The following BLOC1S2 variants were observed in gnomAD, a reference collection of about 807,000 sequenced individuals.
BLOC1S2 encodes biogenesis of lysosome-related organelles complex 1 subunit 2.
A neutral mutation model predicts 19.6 loss-of-function variants in BLOC1S2; 12 were observed. The ratio of observed to expected loss-of-function variants is 0.61; its 90% confidence interval spans 0.39 to 0.99. The LOEUF is 0.99. Among genes scored for constraint, BLOC1S2 ranks in the 50% least tolerant of loss-of-function variants. BLOC1S2 has a pLI of 0.00. For missense variants in BLOC1S2, 142 were observed against 171.0 expected (o/e 0.83, Z 0.95); for synonymous variants, 66 against 64.1 (o/e 1.03, Z -0.14).
chr10:100,276,826 T>G (rs1474932797), intron 4 of BLOC1S2, among the ~76,000 whole-genome samples: 3 of 151,772 alleles, frequency 2.0e-5, no homozygotes, highest in Non-Finnish European at 4.4e-5. Flanking sequence ...CAGGCTGGAG[T>G]GCAGTGGCGT....
chr10:100,285,829 G>C (rs1038773491), intron 2 of BLOC1S2, among the ~76,000 whole-genome samples: 2 of 152,096 alleles, frequency 1.3e-5, no homozygotes, highest in African/African-American at 4.8e-5. Flanking sequence ...TCACAACCCT[G>C]CTCAAAATAC....
Position 100,275,384 on chromosome 10 carries a change from T to A in BLOC1S2, c.*78A>T. 7.0e-7 allele frequency: 1 copy of A among 1,419,708 alleles called. No individual in the cohort carries two copies. The highest frequency in any genetic ancestry group is 1.3e-5 in the South Asian group (1 of 77,470). 87.9% of individuals were successfully genotyped at this position (1,419,708 alleles called of 1,614,324 possible). On this transcript the variant is annotated 3_prime_UTR_variant, in exon 5 of 5. Transcript: ENST00000370372. Reference sequence around the variant, plus strand: ...CCTTTTGAGGAATTTTCACAATTCATCAGCCTCAGGATTCAGGTTTTATAA... The same window carrying A: ...CCTTTTGAGGAATTTTCACAATTCAACAGCCTCAGGATTCAGGTTTTATAA...
rs1564875582 is a variant in BLOC1S2, at chr10:100,286,607, C to T, written c.53G>A (p.Arg18Gln). 1.2e-6 allele frequency: 2 copies of T among 1,612,842 alleles called. No individual in the cohort carries two copies. Among genetic ancestry groups the T allele is most frequent in the South Asian group, 1.1e-5 (1 of 90,998 alleles). ...VLATRSDEPARDDAAVETAEE... is the reference protein window; with the variant it reads ...VLATRSDEPAQDDAAVETAEE... ...TCCTCCCCATCCATTCCGGGTACCT[C>T]GGGCGGGCTCATCACTCCGGGTCGC... The change falls in exon 1 of 5, where the codon CGA (arginine) becomes CAA (glutamine). Residue 18 changes from arginine (R) to glutamine (Q), a missense_variant and splice_region_variant. Around this residue, in one of 2 missense-constraint regions of BLOC1S2, gnomAD observed 48 missense variants for 29.7 expected, o/e 1.61. Transcript: ENST00000370372.
Position 100,279,836 on chromosome 10 carries a change from G to C in BLOC1S2, c.397+288C>G, listed in dbSNP as rs569150365. Among the ~76,000 whole-genome samples the C allele has an allele frequency of 2.0e-5, 3 of 152,158 alleles. No homozygotes were observed. In the South Asian group the frequency reaches 6.2e-4, roughly 32 times the overall value. On this transcript the variant is annotated intron_variant, in intron 4 of 4. Coordinates refer to ENST00000370372, the MANE Select transcript of BLOC1S2 (RefSeq NM_173809.5). ...GCGGAGGTTGCGGTGAGCCGAGATC[G>C]CACCATTGCACTCCAGCTTGGGCAA...
chr10:100,286,602 T>A lies in BLOC1S2; in HGVS notation c.55+3A>T. 1 of 1,612,552 alleles carries A rather than the reference T, an allele frequency of 6.2e-7. No homozygotes were observed. The highest frequency in any genetic ancestry group is 8.5e-7 in the Non-Finnish European group (1 of 1,179,218). ...ACGCTTCCTCCCCATCCATTCCGGG[T>A]ACCTCGGGCGGGCTCATCACTCCGG... On this transcript the variant is annotated splice_donor_region_variant and intron_variant, in intron 1 of 4. Coordinates refer to ENST00000370372, the MANE Select transcript of BLOC1S2 (RefSeq NM_173809.5).
At chr10:100,279,346 T>G (rs554345051) in intron 4 of BLOC1S2, among the ~76,000 whole-genome samples, 8 of 152,324 alleles carry the variant, frequency 5.3e-5, no homozygotes, top group African/African-American at 1.7e-4. Flanking sequence ...CAGACCTGCT[T>G]AGAAATATGG....
rs1163661902 is a variant in BLOC1S2 at position 100,273,514 on chromosome 10, G to A, written c.*1948C>T. On this transcript the variant is annotated 3_prime_UTR_variant, in exon 5 of 5. Transcript: ENST00000370372. ...GTGGCTGAAGATAGCTGAACACAGT[G>A]TAACAGGAAATAAAAACTTTTTAAA... 1.3e-5 allele frequency: 2 copies of A among 152,146 alleles called. No individual in the cohort carries two copies. The highest frequency in any genetic ancestry group is 2.9e-5 in the Non-Finnish European group (2 of 68,026). 9.4% of individuals were successfully genotyped at this position (152,146 alleles called of 1,614,324 possible).
chr10:100,277,112 G>C, intron 4 of BLOC1S2, among the ~76,000 whole-genome samples: 1 of 149,242 alleles, frequency 6.7e-6, no homozygotes, highest in Admixed American at 6.8e-5. Context: ...GTCTCTGCCC[G>C]GCAGCCCACC....
intron 2 of BLOC1S2, among the ~76,000 whole-genome samples, chr10:100,283,601 C>T (rs554321932): frequency 1.3e-4 from 20 of 151,984 alleles, no homozygotes; most frequent in African/African-American, 3.6e-4. Flanking sequence ...CTAGGCATTG[C>T]GCCTCATGCC....
rs1044100080 is a variant in BLOC1S2 at position 100,274,809 on chromosome 10, C to T, written c.*653G>A. 2 of 396,290 alleles carry T rather than the reference C, an allele frequency of 5.0e-6. No individual in the cohort carries two copies. Among genetic ancestry groups the T allele is most frequent in the African/African-American group, 4.1e-5 (2 of 48,684 alleles). The allele number at this position is 396,290 out of a possible 1,614,324, so 24.5% of individuals were successfully genotyped here. A position where few individuals can be genotyped will look rare whatever the true frequency, so the allele number is the denominator to read the frequency against. Reference sequence around the variant, plus strand: ...TTTTCATCACATTTCCCAAACTGATCGCATGTCAATGTGACTCACATAGAA... The same window carrying T: ...TTTTCATCACATTTCCCAAACTGATTGCATGTCAATGTGACTCACATAGAA... On this transcript the variant is annotated 3_prime_UTR_variant, in exon 5 of 5. Transcript: ENST00000370372.
chr10:100,275,466 C>T lies in BLOC1S2; in HGVS notation c.425G>A (p.Arg142Gln), dbSNP rs763047929. ...LEAKYKKLEK[R>Q] ...TGTCCCATAGAAATAAGTTTCTCAT[C>T]GCTTCTCCAGCTTCTTGTACTTGGC... Residue 142 changes from arginine (R) to glutamine (Q), a missense_variant, in exon 5 of 5, where the codon CGA becomes CAA. Coordinates refer to ENST00000370372, the MANE Select transcript of BLOC1S2 (RefSeq NM_173809.5). The T allele has an allele frequency of 5.6e-6, 9 of 1,603,324 alleles. No homozygotes were observed. The highest frequency in any genetic ancestry group is 2.2e-5 in the South Asian group (2 of 89,058).
Position 100,274,237 on chromosome 10 carries a change from G to C in BLOC1S2, c.*1225C>G, listed in dbSNP as rs959927634. 5 of 152,230 alleles carry C rather than the reference G, an allele frequency of 3.3e-5. No homozygotes were observed. The highest frequency in any genetic ancestry group is 5.9e-5 in the Non-Finnish European group (4 of 68,072). 9.4% of individuals were successfully genotyped at this position (152,230 alleles called of 1,614,324 possible). A position where few individuals can be genotyped will look rare whatever the true frequency, so the allele number is the denominator to read the frequency against. On this transcript the variant is annotated 3_prime_UTR_variant, in exon 5 of 5. Transcript: ENST00000370372. ...CCACACTCCAGCCTGGGTGACAATA[G>C]AGACCCTGTCTATAAACAAACAAAA...
chr10:100,281,136 T>A, intron 2 of BLOC1S2, 83 bp from the exon 3 acceptor site: 1 of 1,531,918 alleles, frequency 6.5e-7, no homozygotes. Flanking sequence ...AAGTGGTAGT[T>A]CAAGGCAGGA....
At chr10:100,279,211 CAAAGGA>C (rs1301129340) in intron 4 of BLOC1S2, among the ~76,000 whole-genome samples, 1 of 152,170 alleles carries the variant, frequency 6.6e-6, no homozygotes, top group Non-Finnish European at 1.5e-5. Context: ...GTTTCTTCCT[CAAAGGA>C]AAAGTGATCT....
chr10:100,278,660 T>G (rs1848014327), intron 4 of BLOC1S2, among the ~76,000 whole-genome samples: 1 of 152,224 alleles, frequency 6.6e-6, no homozygotes, highest in Non-Finnish European at 1.5e-5. Flanking sequence ...TCATTACCAC[T>G]CCCTAATCTC....
intron 4 of BLOC1S2, among the ~76,000 whole-genome samples, chr10:100,277,926 T>C (rs1218060290): frequency 6.4e-5 from 4 of 62,066 alleles, no homozygotes; most frequent in Non-Finnish European, 9.2e-5. Flanking sequence ...GTCCGGGAGG[T>C]GAGGGGCGCC....
chr10:100,286,469 C>T, intron 1 of BLOC1S2, 136 bp downstream of exon 1: 2 of 1,489,984 alleles, frequency 1.3e-6, no homozygotes, highest in Middle Eastern at 3.5e-4. Context: ...AGGACAAACA[C>T]TCGCGCGCAG....
chr10:100,284,049 CA>C (rs1178184893), intron 2 of BLOC1S2, among the ~76,000 whole-genome samples: 1 of 152,160 alleles, frequency 6.6e-6, no homozygotes, highest in Non-Finnish European at 1.5e-5. Context: ...CCTCTTAGCC[CA>C]TCATTTACTT....
At chr10:100,282,774 G>A (rs1198163466) in intron 2 of BLOC1S2, 1 of 395,324 alleles carries the variant, frequency 2.5e-6, no homozygotes, top group Non-Finnish European at 4.5e-6. Context: ...AACAATCACA[G>A]GAAAATAACA....
Sources: allele counts gnomAD v4.1 joint callset (sites outside exome capture counted in the v4.1 genomes callset), GRCh38; gene constraint gnomAD v4.1.1; regional missense constraint gnomAD v4.1.1; transcripts MANE v1.5; gene names NCBI Gene and HGNC (gene_info 2026-07-23, HGNC 2026-07-21).